TYW1B: variants seen among roughly 807,000 people sequenced by gnomAD.
TYW1B encodes S-adenosyl-L-methionine-dependent tRNA 4-demethylwyosine synthase TYW1B.
A neutral mutation model predicts 86.9 loss-of-function variants in TYW1B; 73 were observed. The ratio of observed to expected loss-of-function variants is 0.84; its 90% CI spans 0.70 to 1.02. The LOEUF is 1.02. Among genes scored for constraint, TYW1B ranks in the 50% least tolerant of loss-of-function variants. The pLI is 0.00. For missense variants in TYW1B, 637 were observed against 827.4 expected, an observed-to-expected ratio of 0.77 and a Z score of 2.82; for synonymous variants, 248 against 292.8, an observed-to-expected ratio of 0.85 and a Z score of 1.56.
At chr7:72,669,601 TAAAAA>T (rs879959692) in intron 11 of TYW1B, among the ~76,000 whole-genome samples, 4 of 147,018 alleles carry the variant, frequency 2.7e-5, no homozygotes, top group African/African-American at 9.9e-5. Context: ...CCCTGCCTCT[TAAAAA>T]AAAAAATCAG....
chr7:72,723,005 C>T (rs1474232792), intron 9 of TYW1B: 12 of 700,350 alleles, frequency 1.7e-5, no homozygotes, highest in Non-Finnish European at 2.8e-5. Flanking sequence ...TGGGAATGGA[C>T]ACGGCCGCCA....
intron 7 of TYW1B, among the ~76,000 whole-genome samples, chr7:72,775,708 C>A (rs1193340717): frequency 1.3e-5 from 2 of 150,662 alleles, no homozygotes; most frequent in African/African-American, 4.9e-5. Context: ...TCCTTGGAGT[C>A]GCCACAGGTA....
intron 9 of TYW1B, chr7:72,722,866 T>C (rs1336197249): frequency 3.2e-6 from 2 of 626,316 alleles, no homozygotes; most frequent in Admixed American, 4.7e-5. Flanking sequence ...CAGAGTGAGG[T>C]AAATAATTAA....
chr7:72,577,409 TC>T (rs1444588771), intron 13 of TYW1B, among the ~76,000 whole-genome samples: 15 of 152,180 alleles, frequency 9.9e-5, no homozygotes, highest in African/African-American at 3.1e-4. Context: ...CCCTGTGAAC[TC>T]TACAACCCAA....
At chr7:72,694,933 A>C in intron 10 of TYW1B, 111 bp from the exon 11 acceptor site, 1 of 1,150,220 alleles carries the variant, frequency 8.7e-7, no homozygotes, top group Non-Finnish European at 1.2e-6. Context: ...CAGGGTCTAG[A>C]GACTTCCACT....
chr7:72,782,615 G>A (rs782185882), intron 6 of TYW1B, among the ~76,000 whole-genome samples: 2 of 152,110 alleles, frequency 1.3e-5, no homozygotes, highest in East Asian at 1.9e-4. Flanking sequence ...GGTGGCTCAC[G>A]TCTGTAATCC....
intron 6 of TYW1B, among the ~76,000 whole-genome samples, chr7:72,801,721 A>C (rs1420517290): frequency 1.3e-5 from 2 of 152,118 alleles, no homozygotes; most frequent in Non-Finnish European, 2.9e-5. Context: ...TCTCACATTC[A>C]TCTAGTCACT....
At chr7:72,704,080 A>G (rs1242189127) in intron 10 of TYW1B, among the ~76,000 whole-genome samples, 2 of 152,032 alleles carry the variant, frequency 1.3e-5, no homozygotes, top group Non-Finnish European at 2.9e-5. Context: ...TCAGTGTTAA[A>G]AATTTTGAGT....
chr7:72,808,053 T>G (rs1476990712), intron 4 of TYW1B, among the ~76,000 whole-genome samples: 7 of 151,542 alleles, frequency 4.6e-5, no homozygotes, highest in African/African-American at 1.7e-4. Context: ...GAGCCGAGAT[T>G]GTGCCATTGC....
chr7:72,709,469 C>T (rs1208739622), intron 10 of TYW1B, among the ~76,000 whole-genome samples: 4 of 66,242 alleles, frequency 6.0e-5, no homozygotes, highest in African/African-American at 3.0e-4. Flanking sequence ...GAGATCGAGA[C>T]CATCCTGCTA....
At chr7:72,691,616 AAGAACACAG>A (rs1310963160) in intron 11 of TYW1B, among the ~76,000 whole-genome samples, 3 of 152,138 alleles carry the variant, frequency 2.0e-5, no homozygotes, top group Non-Finnish European at 4.4e-5. Flanking sequence ...TCCATACTCA[AAGAACACAG>A]CCTAGATAAC....
intron 11 of TYW1B, among the ~76,000 whole-genome samples, chr7:72,639,548 T>C (rs1166087531): frequency 6.6e-6 from 1 of 152,130 alleles, no homozygotes; most frequent in African/African-American, 2.4e-5. Context: ...AAATCATGAA[T>C]ACCGACTGTA....
Position 72,796,635 on chromosome 7 carries a change from G to A in TYW1B, c.846+5765C>T, listed in dbSNP as rs549037236. ...AAGTTTGGCCTGTAAGAAACCCTTC[G>A]AGTTGGTTCCTACGTCTTTTTGGCA... is the stretch of plus-strand genomic sequence containing the variant. On this transcript the variant is annotated intron_variant, in intron 6 of 13. Coordinates refer to ENST00000620995, the MANE Select transcript of TYW1B (RefSeq NM_001145440.3). Among the ~76,000 whole-genome samples the A allele has an allele frequency of 5.0e-4, 75 of 151,290 alleles. 1 individual carries two copies. The highest frequency in any genetic ancestry group is 3.4e-3 in the Middle Eastern group (1 of 294).
chr7:72,747,923 T>TG (rs1221151249), intron 7 of TYW1B, among the ~76,000 whole-genome samples: 2 of 152,192 alleles, frequency 1.3e-5, no homozygotes, highest in Non-Finnish European at 2.9e-5. Context: ...TTACTTTCGT[T>TG]GGAGTGACTG....
intron 11 of TYW1B, among the ~76,000 whole-genome samples, chr7:72,679,703 TA>T (rs1205946877): frequency 1.3e-5 from 2 of 152,118 alleles, no homozygotes; most frequent in Non-Finnish European, 2.9e-5. Context: ...TTTTTATTTT[TA>T]AAAAAATGGT....
intron 6 of TYW1B, among the ~76,000 whole-genome samples, chr7:72,792,514 C>T (rs1788237622): frequency 6.6e-6 from 1 of 152,164 alleles, no homozygotes; most frequent in South Asian, 2.1e-4. Context: ...AGAACAAGTA[C>T]TCTCATTTCT....
At chr7:72,693,640 C>A (rs2129570245) in intron 11 of TYW1B, among the ~76,000 whole-genome samples, 1 of 151,952 alleles carries the variant, frequency 6.6e-6, no homozygotes, top group Non-Finnish European at 1.5e-5. Flanking sequence ...AGCGATCTGC[C>A]CACCTTGGCC....
chr7:72,677,169 G>A (rs187615571), intron 11 of TYW1B, among the ~76,000 whole-genome samples: 1 of 152,170 alleles, frequency 6.6e-6, no homozygotes, highest in East Asian at 1.9e-4. Context: ...ATTCATTCGA[G>A]ACAGGGTGTC....
At chr7:72,635,131 T>C (rs1812636085) in intron 11 of TYW1B, among the ~76,000 whole-genome samples, 1 of 152,162 alleles carries the variant, frequency 6.6e-6, no homozygotes, top group Non-Finnish European at 1.5e-5. Flanking sequence ...CACATTTGTG[T>C]CAAAAATCCA....
Sources: gnomAD v4.1 joint callset for allele counts (sites outside exome capture counted in the v4.1 genomes callset) on GRCh38, gnomAD v4.1.1 for gene constraint, MANE v1.5 for transcripts, NCBI Gene and HGNC (gene_info 2026-07-23, HGNC 2026-07-21) for gene names.